Variants in XRCC5 observed in about 807,000 individuals in gnomAD.
XRCC5 encodes X-ray repair cross complementing 5, also known as DNA repair protein Ku80.
Under a neutral mutation model 95.7 loss-of-function variants are expected in XRCC5, and 12 were observed. That is an observed-to-expected ratio of 0.13 (90% CI 0.08 to 0.20). The LOEUF (loss-of-function observed/expected upper bound fraction) is 0.20. Ranked by LOEUF, XRCC5 falls within the 10% of genes least tolerant of loss-of-function variation. The probability of loss-of-function intolerance (pLI) is 1.00; values close to 1 mark genes in which losing one functional copy is unlikely to be tolerated. For synonymous variants in XRCC5, 281 were observed against 290.3 expected, an observed-to-expected ratio of 0.97 and a Z score of 0.33; for missense variants, 595 against 873.9, an observed-to-expected ratio of 0.68 and a Z score of 4.02.
At chr2:216,142,064 G>GA (rs1475324719) in intron 13 of XRCC5, among the ~76,000 whole-genome samples, 7 of 150,034 alleles carry the variant, frequency 4.7e-5, no homozygotes, top group South Asian at 2.1e-4. Flanking sequence ...TAAAAAAAAA[G>GA]AAAAAAAAAG....
intron 16 of XRCC5, among the ~76,000 whole-genome samples, chr2:216,168,421 A>G (rs1689093220): frequency 6.6e-6 from 1 of 152,238 alleles, no homozygotes; most frequent in Non-Finnish European, 1.5e-5. Context: ...AGAGATGAAA[A>G]GAAAAAATAA....
intron 16 of XRCC5, among the ~76,000 whole-genome samples, chr2:216,174,011 T>C (rs1689221957): frequency 6.6e-6 from 1 of 152,228 alleles, no homozygotes. Flanking sequence ...TTGTGTGATG[T>C]CTTTGGTTTT....
chr2:216,142,941 A>G (rs1305187760), intron 13 of XRCC5, among the ~76,000 whole-genome samples: 1 of 152,246 alleles, frequency 6.6e-6, no homozygotes, highest in South Asian at 2.1e-4. Flanking sequence ...ATACACGCCT[A>G]TAAACCCATC....
intron 12 of XRCC5, 102 bp from the exon 13 acceptor site, chr2:216,141,084 T>C (rs1697162513): frequency 1.4e-6 from 2 of 1,430,418 alleles, no homozygotes; most frequent in Non-Finnish European, 1.9e-6. Flanking sequence ...GCCAGGACTG[T>C]ATAACCTGCC....
chr2:216,125,868 G>T (rs1696892812), intron 6 of XRCC5, 49 bp from the exon 7 acceptor site: 1 of 1,448,622 alleles, frequency 6.9e-7, no homozygotes, highest in Middle Eastern at 1.8e-4. Flanking sequence ...TCCAGCACAA[G>T]TTAACATTTA....
rs200971320 is a variant in XRCC5, at chr2:216,134,679, C to T, written c.1113+2292C>T. On this transcript the variant is annotated intron_variant, in intron 10 of 20. Coordinates refer to ENST00000392132, the MANE Select transcript of XRCC5 (RefSeq NM_021141.4). The stretch of plus-strand genomic sequence containing the variant: ...CCTGACCTCAGGTGATCCACCCCCC[C>T]CCCTCCTCGGCCTCCCAAAGTGTTG... 2.6e-5 allele frequency among the ~76,000 whole-genome samples: 4 copies of T among 151,360 alleles called. No homozygotes were observed. In the South Asian group the frequency reaches 8.4e-4, roughly 32 times the overall value.
rs140171958 is a variant in XRCC5, at chr2:216,187,466, CTGTGTGTGTGTGTGTGTGTGTGTGTGTG to C, written c.1835-2731_1835-2704del. Among the ~76,000 whole-genome samples, 728 of 111,386 alleles carry C rather than the reference CTGTGTGTGTGTGTGTGTGTGTGTGTGTG, an allele frequency of 6.5e-3. 6 individuals carry two copies. The highest frequency in any genetic ancestry group is 0.019 in the African/African-American group (598 of 31,314). The allele number at this position is 111,386 out of a possible 152,430, so 73.1% of individuals were successfully genotyped here. A position where few individuals can be genotyped will look rare whatever the true frequency, so the allele number is the denominator to read the frequency against. ...AATATTTTTCTCTGTAAGATAGCAA[CTGTGTGTGTGTGTGTGTGTGTGTGTGTG>C]TGTGTGTGTGTGTGTGTGTGTGTGT... is the stretch of plus-strand genomic sequence containing the variant. On this transcript the variant is annotated intron_variant, in intron 16 of 20. Transcript: ENST00000392132.
intron 16 of XRCC5, among the ~76,000 whole-genome samples, chr2:216,171,247 A>G (rs914356511): frequency 3.3e-5 from 5 of 152,256 alleles, no homozygotes; most frequent in Admixed American, 3.3e-4. Context: ...CAAGGCAAAA[A>G]ATATGCTGAC....
chr2:216,189,740 T>C (rs1689579474), intron 16 of XRCC5, among the ~76,000 whole-genome samples: 1 of 152,150 alleles, frequency 6.6e-6, no homozygotes, highest in Admixed American at 6.5e-5. Context: ...CTTGGATTGG[T>C]AGAAGATGGG....
intron 16 of XRCC5, among the ~76,000 whole-genome samples, chr2:216,187,109 ATTTACAAGCCACGTAACTG>A (rs1689507508): frequency 6.6e-6 from 1 of 152,180 alleles, no homozygotes; most frequent in South Asian, 2.1e-4. Context: ...CATGGACCAG[ATTTACAAGCCACGTAACTG>A]AGTATTCCTA....
chr2:216,159,912 T>C (rs975616539), intron 14 of XRCC5, among the ~76,000 whole-genome samples, 156 bp from the exon 15 acceptor site: 1 of 152,182 alleles, frequency 6.6e-6, no homozygotes, highest in Non-Finnish European at 1.5e-5. Flanking sequence ...GGACTACATG[T>C]AGCTATTGTT....
chr2:216,176,860 A>G (rs1041714088), intron 16 of XRCC5, among the ~76,000 whole-genome samples: 80 of 152,302 alleles, frequency 5.3e-4, no homozygotes, highest in African/African-American at 1.6e-3. Context: ...CCTGCTAAGC[A>G]GTTTTTTAGC....
intron 19 of XRCC5, among the ~76,000 whole-genome samples, chr2:216,201,468 T>C (rs553172568): frequency 6.6e-6 from 1 of 152,140 alleles, no homozygotes; most frequent in Non-Finnish European, 1.5e-5. Context: ...ATAGAGGTTA[T>C]TGATTTCATT....
At chr2:216,140,076 G>A (rs1697148874) in intron 12 of XRCC5, among the ~76,000 whole-genome samples, 1 of 152,158 alleles carries the variant, frequency 6.6e-6, no homozygotes, top group East Asian at 1.9e-4. Context: ...TACAAGTACT[G>A]CCCCCTACCT....
chr2:216,120,884 T>C (rs1446143539), intron 5 of XRCC5, among the ~76,000 whole-genome samples: 2 of 152,092 alleles, frequency 1.3e-5, no homozygotes, highest in African/African-American at 4.8e-5. Flanking sequence ...TTCAGGTGTG[T>C]GCCACCACGC....
intron 16 of XRCC5, 74 bp downstream of exon 16, chr2:216,162,122 G>A (rs1688964795): frequency 7.3e-7 from 1 of 1,376,112 alleles, no homozygotes; most frequent in South Asian, 1.2e-5. Context: ...ATTAAGAACT[G>A]TAGCCTTTTG....
intron 16 of XRCC5, among the ~76,000 whole-genome samples, chr2:216,170,563 G>C (rs909464561): frequency 1.3e-5 from 2 of 152,076 alleles, no homozygotes; most frequent in East Asian, 3.9e-4. Context: ...AACAGCAAAG[G>C]GGAAGTCCTC....
chr2:216,193,252 A>G (rs1574433739), intron 18 of XRCC5, among the ~76,000 whole-genome samples: 1 of 152,356 alleles, frequency 6.6e-6, no homozygotes, highest in East Asian at 1.9e-4. Flanking sequence ...AAACCCAGAA[A>G]GAAGACAGCA....
chr2:216,183,670 G>C (rs1050903039), intron 16 of XRCC5, among the ~76,000 whole-genome samples: 1 of 152,138 alleles, frequency 6.6e-6, no homozygotes, highest in Non-Finnish European at 1.5e-5. Context: ...TGAAAGGGAA[G>C]CAGGGAACTT....
Sources: allele counts gnomAD v4.1 joint callset (sites outside exome capture counted in the v4.1 genomes callset), GRCh38; gene constraint gnomAD v4.1.1; transcripts MANE v1.5; gene names NCBI Gene and HGNC (gene_info 2026-07-23, HGNC 2026-07-21).